The following AOPEP variants were observed in gnomAD, a reference collection of about 807,000 sequenced individuals.
AOPEP encodes the protein aminopeptidase O (putative), also known as aminopeptidase O.
In AOPEP, 77 loss-of-function variants were observed where a neutral mutation model predicts 98.1. That is an observed-to-expected ratio of 0.78 (90% confidence interval 0.65 to 0.95). AOPEP has a LOEUF of 0.95. AOPEP is among the 40% of genes least tolerant of loss of function. The pLI is 0.00. For missense variants in AOPEP, 1,024 were observed against 1,024.7 expected (o/e 1.00, Z 0.01); for synonymous variants, 346 against 365.3 (o/e 0.95, Z 0.60).
chr9:95,033,244 C>T (rs1310111771), intron 13 of AOPEP, among the ~76,000 whole-genome samples: 1 of 152,100 alleles, frequency 6.6e-6, no homozygotes, highest in Non-Finnish European at 1.5e-5. Flanking sequence ...TTCTCTTGTA[C>T]TTTTGTTCCT....
the AOPEP span, chr9:95,135,494 ATCT>A: frequency 3.1e-5 from 50 of 1,613,900 alleles, no homozygotes; most frequent in African/African-American, 4.0e-5. Flanking sequence ...GGGGAGAGAA[ATCT>A]TCTTCCTTTC....
the AOPEP span, chr9:95,101,370 T>C: frequency 2.4e-6 from 1 of 416,032 alleles, no homozygotes; most frequent in Non-Finnish European, 4.4e-6. Context: ...ATAATAGATG[T>C]GCAGCTTGAC....
At chr9:94,988,812 G>A (rs778863063) in intron 11 of AOPEP, among the ~76,000 whole-genome samples, 1 of 152,088 alleles carries the variant, frequency 6.6e-6, no homozygotes, top group Non-Finnish European at 1.5e-5. Context: ...ACCTGCTACT[G>A]AGTCAGCATC....
At chr9:95,085,583 TTGCTGACGGGCCGGCCGC>T in intron 16 of AOPEP, 2 of 444,616 alleles carry the variant, frequency 4.5e-6, no homozygotes, top group South Asian at 3.3e-5. Flanking sequence ...GCAGAGGCCG[TTGCTGACGGGCCGGCCGC>T]TGCTGCACAG....
intron 7 of AOPEP, among the ~76,000 whole-genome samples, chr9:94,945,470 C>T (rs977175319): frequency 4.6e-5 from 7 of 152,114 alleles, no homozygotes; most frequent in African/African-American, 1.2e-4. Flanking sequence ...AAATAGAAGA[C>T]CCAAAGAGCA....
chr9:94,908,049 G>T (rs1484985472), intron 5 of AOPEP, among the ~76,000 whole-genome samples: 1 of 152,146 alleles, frequency 6.6e-6, no homozygotes, highest in Non-Finnish European at 1.5e-5. Flanking sequence ...CAAAGTGGCC[G>T]TTTTTTAATG....
chr9:94,933,075 G>C (rs2055635857), intron 7 of AOPEP: 2 of 985,456 alleles, frequency 2.0e-6, no homozygotes, highest in South Asian at 9.4e-5. Context: ...CTCTGGCCCT[G>C]GGCAGAACTC....
intron 5 of AOPEP, among the ~76,000 whole-genome samples, chr9:94,889,897 G>A (rs2048677534): frequency 6.6e-6 from 1 of 152,124 alleles, no homozygotes; most frequent in Non-Finnish European, 1.5e-5. Flanking sequence ...GTACCACATT[G>A]TGGTTTTAAT....
intron 13 of AOPEP, among the ~76,000 whole-genome samples, chr9:95,043,261 C>CATATATATACAGATATATATACAT (rs530651522): frequency 6.8e-6 from 1 of 147,812 alleles, no homozygotes; most frequent in Non-Finnish European, 1.5e-5. Context: ...TATATATATA[C>CATATATATACAGATATATATACAT]ATATATATCT....
At chr9:94,896,008 A>C (rs558342776) in intron 5 of AOPEP, among the ~76,000 whole-genome samples, 22 of 152,334 alleles carry the variant, frequency 1.4e-4, no homozygotes, top group South Asian at 1.0e-3. Flanking sequence ...TTTATGGAGA[A>C]TGTTTGCCTA....
chr9:94,943,919 C>CAAAAAAAAA (rs775807087), intron 7 of AOPEP, among the ~76,000 whole-genome samples: 2 of 17,418 alleles, frequency 1.1e-4, no homozygotes, highest in African/African-American at 1.9e-4. Context: ...GACTCCATCT[C>CAAAAAAAAA]AAAAAAAAAA....
At chr9:95,026,974 A>G (rs1246497258) in intron 13 of AOPEP, among the ~76,000 whole-genome samples, 5 of 152,222 alleles carry the variant, frequency 3.3e-5, no homozygotes, top group Non-Finnish European at 5.9e-5. Context: ...GTTAATTAAA[A>G]CTGTAGGGTG....
intron 5 of AOPEP, among the ~76,000 whole-genome samples, chr9:94,849,705 A>G (rs1400167194): frequency 6.6e-6 from 1 of 152,068 alleles, no homozygotes; most frequent in African/African-American, 2.4e-5. Flanking sequence ...GATCCCTCTC[A>G]TGCACAGTTC....
intron 5 of AOPEP, among the ~76,000 whole-genome samples, chr9:94,917,766 T>C (rs536434039): frequency 1.3e-5 from 2 of 152,314 alleles, no homozygotes; most frequent in Non-Finnish European, 2.9e-5. Context: ...TTGTCTGTCC[T>C]TCCTATTTTC....
chr9:95,012,964 G>T (rs1233140273), intron 13 of AOPEP, among the ~76,000 whole-genome samples: 1 of 92,002 alleles, frequency 1.1e-5, no homozygotes, highest in Non-Finnish European at 2.1e-5. Context: ...AGTATATTTG[G>T]TAGAGTTTTC....
the AOPEP span, among the ~76,000 whole-genome samples, chr9:95,120,030 A>T: frequency 6.6e-6 from 1 of 152,154 alleles, no homozygotes; most frequent in Non-Finnish European, 1.5e-5. Flanking sequence ...TTAAATTCTG[A>T]TGAGGTCTAA....
chr9:94,836,173 A>G (rs759064859), intron 5 of AOPEP, among the ~76,000 whole-genome samples: 8 of 152,234 alleles, frequency 5.3e-5, no homozygotes, highest in Non-Finnish European at 1.2e-4. Context: ...TAAGACATAC[A>G]TAGAGCTCCT....
chr9:94,764,473 C>G (rs1163792555), intron 2 of AOPEP, among the ~76,000 whole-genome samples: 1 of 152,046 alleles, frequency 6.6e-6, no homozygotes, highest in East Asian at 1.9e-4. Flanking sequence ...ATGGCGAAAC[C>G]CCATCTTTAC....
intron 7 of AOPEP, among the ~76,000 whole-genome samples, chr9:94,946,276 C>T (rs1005924223): frequency 6.6e-6 from 1 of 152,210 alleles, no homozygotes; most frequent in Admixed American, 6.5e-5. Context: ...TGTTTTCCTT[C>T]ACATGCTTTA....
Sources: allele counts gnomAD v4.1 joint callset (sites outside exome capture counted in the v4.1 genomes callset), GRCh38; gene constraint gnomAD v4.1.1; transcripts MANE v1.5; gene names NCBI Gene and HGNC (gene_info 2026-07-23, HGNC 2026-07-21).